The following NXPE2 variants were observed in gnomAD, a reference collection of about 807,000 sequenced individuals.
NXPE2 encodes NXPE family member 2.
Under a neutral mutation model 34.4 loss-of-function variants are expected in NXPE2, and 34 were observed. That is an observed-to-expected ratio of 0.99 (90% CI 0.75 to 1.31). The LOEUF is 1.31. Among genes scored for constraint, NXPE2 ranks in the 40% most tolerant of loss-of-function variants. NXPE2 has a pLI of 0.00. For missense variants in NXPE2, 649 were observed against 672.5 expected (o/e 0.97, Z 0.39); for synonymous variants, 235 against 231.3 (o/e 1.02, Z -0.15).
the NXPE2 span, among the ~76,000 whole-genome samples, chr11:114,736,499 G>A: frequency 2.9e-3 from 438 of 152,340 alleles, no homozygotes; most frequent in African/African-American, 0.01. Context: ...GGCAGTCAGA[G>A]TTTAAGGTTA....
the NXPE2 span, among the ~76,000 whole-genome samples, chr11:114,474,753 G>T: frequency 6.6e-6 from 1 of 152,268 alleles, no homozygotes; most frequent in South Asian, 2.1e-4. Context: ...CATATATTGA[G>T]TACTTACTGT....
At chr11:114,777,791 C>T in the NXPE2 span, among the ~76,000 whole-genome samples, 5 of 152,282 alleles carry the variant, frequency 3.3e-5, no homozygotes, top group East Asian at 5.8e-4. Context: ...AGTATCTGAC[C>T]TCTGTGCTTC....
intron 3 of NXPE2, 39 bp from the exon 4 acceptor site, chr11:114,703,952 G>C: frequency 7.2e-7 from 1 of 1,396,240 alleles, no homozygotes; most frequent in Non-Finnish European, 9.9e-7. Context: ...TTATTATCTG[G>C]GCAGATATTA....
At chr11:114,545,955 C>T in the NXPE2 span, among the ~76,000 whole-genome samples, 1 of 152,044 alleles carries the variant, frequency 6.6e-6, no homozygotes, top group Non-Finnish European at 1.5e-5. Context: ...TCCCAAAGTG[C>T]TGGGATTACA....
the NXPE2 span, among the ~76,000 whole-genome samples, chr11:114,607,113 A>C: frequency 2.6e-5 from 4 of 151,802 alleles, no homozygotes; most frequent in Non-Finnish European, 4.4e-5. Context: ...AACCACTGTT[A>C]CCCGGTTTAT....
chr11:114,775,847 A>G, the NXPE2 span, among the ~76,000 whole-genome samples: 6 of 150,664 alleles, frequency 4.0e-5, no homozygotes, highest in East Asian at 7.9e-4. Flanking sequence ...AAACTCCAGC[A>G]GCCTTCTGGA....
the NXPE2 span, among the ~76,000 whole-genome samples, chr11:114,627,801 C>T: frequency 2.6e-4 from 39 of 151,680 alleles, no homozygotes; most frequent in African/African-American, 9.2e-4. Context: ...CACACATGGG[C>T]TCAAAATAAA....
the NXPE2 span, among the ~76,000 whole-genome samples, chr11:114,531,121 ATAT>A: frequency 3.1e-4 from 47 of 151,760 alleles, no homozygotes; most frequent in African/African-American, 1.1e-3. Flanking sequence ...ATATTATTAT[ATAT>A]TATTATCAAT....
the NXPE2 span, among the ~76,000 whole-genome samples, chr11:114,801,920 G>A: frequency 6.6e-6 from 1 of 152,202 alleles, no homozygotes; most frequent in Admixed American, 6.5e-5. Flanking sequence ...CCAGACAGCG[G>A]AGAGGCATTG....
chr11:114,813,331 T>C, the NXPE2 span, among the ~76,000 whole-genome samples: 1 of 152,314 alleles, frequency 6.6e-6, no homozygotes, highest in East Asian at 1.9e-4. Context: ...AATCAGACCA[T>C]TCATCTCTCT....
chr11:114,811,987 C>G, the NXPE2 span, among the ~76,000 whole-genome samples: 2 of 152,050 alleles, frequency 1.3e-5, no homozygotes, highest in African/African-American at 4.8e-5. Context: ...ATAGCAGACA[C>G]TCAAAAAAAT....
In NXPE2 at chr11:114,706,621, T is replaced by C; in HGVS notation, c.1371T>C (p.Phe457=). The C allele has an allele frequency of 6.4e-7, 1 of 1,551,846 alleles. No homozygotes were observed. The highest frequency in any genetic ancestry group is 8.7e-7 in the Non-Finnish European group (1 of 1,146,994). ...CCCTCGGCCAACACTTCAGACCCTTTCCCATCAACATTTTCATCCGTAGGG... is the reference window on the plus strand; with the variant it reads ...CCCTCGGCCAACACTTCAGACCCTTCCCCATCAACATTTTCATCCGTAGGG... ...VITLGQHFRP[F]PINIFIRRAI... is the part of the protein sequence containing the mutation. The change falls in exon 6 of 6, where the codon TTT becomes TTC. Residue 457 remains phenylalanine (F), a synonymous_variant. Coordinates refer to ENST00000389586, the MANE Select transcript of NXPE2 (RefSeq NM_182495.6).
chr11:114,610,807 G>A, the NXPE2 span, among the ~76,000 whole-genome samples: 1 of 151,912 alleles, frequency 6.6e-6, no homozygotes, highest in Non-Finnish European at 1.5e-5. Flanking sequence ...ATTGCCTCTA[G>A]GGTTATCACT....
the NXPE2 span, chr11:114,528,925 C>T: frequency 2.0e-6 from 1 of 507,338 alleles, no homozygotes; most frequent in South Asian, 3.3e-5. Context: ...TGAGATGTAC[C>T]ATCAGAGATA....
chr11:114,692,446 C>A (rs1341933786), intron 2 of NXPE2, among the ~76,000 whole-genome samples: 1 of 152,092 alleles, frequency 6.6e-6, no homozygotes, highest in African/African-American at 2.4e-5. Flanking sequence ...AAAGTGGCTC[C>A]CACCTGAGTC....
the NXPE2 span, chr11:114,554,268 G>A: frequency 2.1e-6 from 2 of 975,278 alleles, no homozygotes; most frequent in Non-Finnish European, 2.4e-6. Flanking sequence ...CTGTGGCCAG[G>A]ACACTGAGTT....
the NXPE2 span, among the ~76,000 whole-genome samples, chr11:114,737,055 A>G: frequency 2.6e-5 from 4 of 151,762 alleles, no homozygotes; most frequent in Non-Finnish European, 5.9e-5. Context: ...CCCTCCTAGA[A>G]CACACACACA....
the NXPE2 span, among the ~76,000 whole-genome samples, chr11:114,490,507 T>C: frequency 1.3e-5 from 2 of 152,100 alleles, no homozygotes; most frequent in Non-Finnish European, 2.9e-5. Context: ...AACAGAGATA[T>C]AGACCAATGG....
At chr11:114,639,080 C>T in the NXPE2 span, among the ~76,000 whole-genome samples, 2,075 of 152,186 alleles carry the variant, frequency 0.014, 40 homozygotes, top group African/African-American at 0.047. Context: ...GTGGAGCCTA[C>T]AGAGGCAGGC....
Sources: gnomAD v4.1 joint callset for allele counts (sites outside exome capture counted in the v4.1 genomes callset) on GRCh38, gnomAD v4.1.1 for gene constraint, MANE v1.5 for transcripts, NCBI Gene and HGNC (gene_info 2026-07-23, HGNC 2026-07-21) for gene names.